DEPTOR: variants seen among roughly 807,000 people sequenced by gnomAD.
DEPTOR encodes DEP domain-containing mTOR-interacting protein.
Under a neutral mutation model 41.6 loss-of-function variants are expected in DEPTOR, and 41 were observed. The observed-to-expected ratio is 0.98, with a 90% CI of 0.77 to 1.28. The LOEUF is 1.28. DEPTOR is among the 50% of genes most tolerant of loss of function. DEPTOR has a pLI of 0.00. For synonymous variants in DEPTOR, 195 were observed against 192.3 expected (o/e 1.01, Z -0.12); for missense variants, 514 against 527.9 (o/e 0.97, Z 0.26).
At chr8:119,955,532 T>C in intron 3 of DEPTOR, among the ~76,000 whole-genome samples, 1 of 151,978 alleles carries the variant, frequency 6.6e-6, no homozygotes, top group East Asian at 1.9e-4. Flanking sequence ...AATGGTGTGA[T>C]CTTGGCTCAC....
chr8:119,903,481 A>G (rs1827621217), intron 1 of DEPTOR, among the ~76,000 whole-genome samples: 2 of 152,232 alleles, frequency 1.3e-5, no homozygotes, highest in Non-Finnish European at 2.9e-5. Flanking sequence ...CAAACCTTGC[A>G]TGGTTGATTA....
At chr8:119,941,060 C>T (rs969706905) in intron 3 of DEPTOR, among the ~76,000 whole-genome samples, 1 of 151,894 alleles carries the variant, frequency 6.6e-6, no homozygotes, top group African/African-American at 2.4e-5. Flanking sequence ...GAGTGTACTT[C>T]GTGCTACTGA....
intron 3 of DEPTOR, among the ~76,000 whole-genome samples, chr8:119,947,824 A>T (rs1256202539): frequency 6.6e-6 from 1 of 152,112 alleles, no homozygotes; most frequent in Non-Finnish European, 1.5e-5. Context: ...GAATTTTTCC[A>T]TGGCTATCAC....
At chr8:119,902,219 T>C (rs1200805641) in intron 1 of DEPTOR, among the ~76,000 whole-genome samples, 1 of 152,162 alleles carries the variant, frequency 6.6e-6, no homozygotes, top group African/African-American at 2.4e-5. Flanking sequence ...AAGATGGGTA[T>C]ACAATAGACA....
chr8:119,989,296 G>A (rs767941603), intron 4 of DEPTOR, among the ~76,000 whole-genome samples: 4 of 152,146 alleles, frequency 2.6e-5, no homozygotes, highest in South Asian at 4.2e-4. Flanking sequence ...CCACCGTGCC[G>A]GGCCATTGGT....
intron 4 of DEPTOR, among the ~76,000 whole-genome samples, chr8:119,982,068 G>A (rs995639877): frequency 6.7e-6 from 1 of 148,942 alleles, no homozygotes; most frequent in African/African-American, 2.5e-5. Context: ...GGGGTCCTTT[G>A]GAGTTTTACT....
chr8:119,976,858 G>T (rs986808151), intron 4 of DEPTOR, among the ~76,000 whole-genome samples: 4 of 151,990 alleles, frequency 2.6e-5, no homozygotes, highest in African/African-American at 4.8e-5. Context: ...CCCTCCCCCC[G>T]CACACCCTGC....
intron 4 of DEPTOR, among the ~76,000 whole-genome samples, chr8:119,971,031 C>T (rs1463594429): frequency 6.6e-6 from 1 of 152,030 alleles, no homozygotes; most frequent in Non-Finnish European, 1.5e-5. Context: ...GAGATCGAGA[C>T]CATCCTGGCT....
intron 6 of DEPTOR, 118 bp downstream of exon 6, chr8:120,003,229 C>A (rs1248416405): frequency 2.0e-6 from 3 of 1,495,550 alleles, no homozygotes; most frequent in East Asian, 4.6e-5. Flanking sequence ...TTAGAGCATG[C>A]TCTTGGGGTC....
At chr8:119,961,412 G>A (rs1346123232) in intron 3 of DEPTOR, among the ~76,000 whole-genome samples, 9 of 105,914 alleles carry the variant, frequency 8.5e-5, no homozygotes, top group Non-Finnish European at 1.5e-4. Flanking sequence ...GTGAAACTCC[G>A]TATCAAAAAA....
chr8:120,007,010 T>G, intron 7 of DEPTOR, 135 bp downstream of exon 7: 2 of 823,026 alleles, frequency 2.4e-6, no homozygotes, highest in Non-Finnish European at 3.9e-6. Flanking sequence ...GTAATTATGA[T>G]ACTAGGCTTT....
At chr8:120,002,639 G>A (rs928759809) in intron 5 of DEPTOR, among the ~76,000 whole-genome samples, 39 of 150,230 alleles carry the variant, frequency 2.6e-4, no homozygotes, top group East Asian at 7.9e-4. Context: ...TTAGCCGGGC[G>A]TGGTGGCGGA....
chr8:119,954,772 A>G (rs1366964829), intron 3 of DEPTOR, among the ~76,000 whole-genome samples: 1 of 152,172 alleles, frequency 6.6e-6, no homozygotes, highest in Non-Finnish European at 1.5e-5. Context: ...AGTCAGATAT[A>G]GATCCAGGAA....
intron 1 of DEPTOR, among the ~76,000 whole-genome samples, chr8:119,895,518 C>T (rs1827509072): frequency 6.6e-6 from 1 of 152,212 alleles, no homozygotes; most frequent in African/African-American, 2.4e-5. Context: ...AGGGGGTACC[C>T]TATCCCTCTG....
intron 1 of DEPTOR, among the ~76,000 whole-genome samples, chr8:119,918,182 G>T (rs1827838674): frequency 6.6e-6 from 1 of 151,886 alleles, no homozygotes; most frequent in Non-Finnish European, 1.5e-5. Flanking sequence ...CTTTGTCTCT[G>T]TGTCTCTTTC....
At chr8:119,906,134 T>A (rs1333950202) in intron 1 of DEPTOR, among the ~76,000 whole-genome samples, 1 of 152,006 alleles carries the variant, frequency 6.6e-6, no homozygotes, top group Non-Finnish European at 1.5e-5. Flanking sequence ...ACTAATGCAC[T>A]CTGTATATCA....
chr8:120,019,893 G>A (rs1022401192), intron 8 of DEPTOR, among the ~76,000 whole-genome samples: 1 of 152,094 alleles, frequency 6.6e-6, no homozygotes, highest in African/African-American at 2.4e-5. Context: ...CCAAGTTCCT[G>A]TTCCTAACCT....
chr8:120,003,061 G>A lies in DEPTOR; in HGVS notation c.875G>A (p.Ser292Asn), dbSNP rs149861966. Residue 292 changes from serine to asparagine, a missense_variant, in exon 6 of 9, where the codon AGC becomes AAC. Physicochemically the swap from Ser to Asn is conservative, Grantham distance 46. Coordinates refer to ENST00000286234, the MANE Select transcript of DEPTOR (RefSeq NM_022783.4). ...TGTGGCAGCAGCGGCTACTTCAGCA[G>A]CAGCCCCACCCTCAGCAGCAGCCCC... is the stretch of plus-strand genomic sequence containing the variant. ...SSCGSSGYFS[S>N]SPTLSSSPPV... is the part of the protein sequence containing the mutation. 4.2e-5 allele frequency: 68 copies of A among 1,612,604 alleles called. No individual in the cohort carries two copies. The African/African-American group carries it at 8.0e-4, about 19-fold the overall frequency.
intron 4 of DEPTOR, among the ~76,000 whole-genome samples, chr8:119,976,944 C>G (rs1426671021): frequency 6.6e-6 from 1 of 152,162 alleles, no homozygotes; most frequent in Non-Finnish European, 1.5e-5. Flanking sequence ...CTGCTATTAA[C>G]TCATTTAATC....
Sources: gnomAD v4.1 joint callset for allele counts (sites outside exome capture counted in the v4.1 genomes callset) on GRCh38, gnomAD v4.1.1 for gene constraint, MANE v1.5 for transcripts, NCBI Gene and HGNC (gene_info 2026-07-23, HGNC 2026-07-21) for gene names.